UNC5A: variants seen among roughly 807,000 people sequenced by gnomAD.
UNC5A encodes the protein unc-5 netrin receptor A.
UNC5A carries 20 observed loss-of-function variants against 87.4 expected under a neutral mutation model. That is an observed-to-expected ratio of 0.23 (90% confidence interval 0.16 to 0.33). UNC5A has a LOEUF of 0.33. Ranked by LOEUF, UNC5A falls within the 10% of genes least tolerant of loss-of-function variation. UNC5A has a pLI of 1.00. For synonymous variants in UNC5A, 438 were observed against 482.3 expected (o/e 0.91, Z 1.20); for missense variants, 844 against 1,133.4 (o/e 0.74, Z 3.67).
rs1758044282 is a variant in UNC5A, at chr5:176,869,003, G to A, written c.721+39G>A. The stretch of plus-strand genomic sequence containing the variant: ...CTCCCTGGTCACAGGGAGAGGCACT[G>A]CGGTGCCCCTGGGCAGTGACATGTG... On this transcript the variant is annotated intron_variant, in intron 5 of 14. Transcript: ENST00000329542. The surrounding 1 kb of genome is among the most constrained non-coding windows in gnomAD (Gnocchi z 9.1). 4 of 1,560,810 alleles carry A rather than the reference G, an allele frequency of 2.6e-6. No homozygotes were observed. The highest frequency in any genetic ancestry group is 3.5e-6 in the Non-Finnish European group (4 of 1,152,516).
In UNC5A at chr5:176,824,563, A is replaced by T. The variant is rs1010577691; in HGVS notation, c.70+13743A>T. On this transcript the variant is annotated intron_variant, in intron 1 of 14. Coordinates refer to ENST00000329542, the MANE Select transcript of UNC5A (RefSeq NM_133369.3). The surrounding 1 kb of genome is among the most constrained non-coding windows in gnomAD (Gnocchi z 4.2). ...GCGGCAGATAGAACATTCTAAAAAA[A>T]AAAGAGAGAAAGAGAGAGAATTCAC... is the stretch of plus-strand genomic sequence containing the variant. Among the ~76,000 whole-genome samples the T allele has an allele frequency of 3.9e-5, 6 of 152,254 alleles. No homozygotes were observed. In the South Asian group the frequency reaches 8.3e-4, roughly 21 times the overall value.
At chr5:176,870,854 CCCA>C (rs768032901) in intron 6 of UNC5A, among the ~76,000 whole-genome samples, 16 of 148,640 alleles carry the variant, frequency 1.1e-4, no homozygotes, top group Non-Finnish European at 1.9e-4. Context: ...CCACGCTCAC[CCCA>C]CACCACAGCT....
intron 1 of UNC5A, among the ~76,000 whole-genome samples, chr5:176,840,495 AG>A (rs1757248603): frequency 6.6e-6 from 1 of 152,202 alleles, no homozygotes; most frequent in Non-Finnish European, 1.5e-5. Context: ...GGGCTCTGCA[AG>A]GGGGTGACCA....
At chr5:176,856,628 G>A (rs1335863056) in intron 1 of UNC5A, among the ~76,000 whole-genome samples, 1 of 152,140 alleles carries the variant, frequency 6.6e-6, no homozygotes, top group Non-Finnish European at 1.5e-5. Flanking sequence ...GTGACAAAAA[G>A]TGTGGATCCA....
Position 176,865,619 on chromosome 5 carries a change from G to A in UNC5A, c.293-2511G>A, listed in dbSNP as rs1167401803. ...ACCCAAAGCCATCGAGTGCTTTGAGGTGAAGAAAAAGGCTTTCCTTACCCA... is the reference window on the plus strand; with the variant it reads ...ACCCAAAGCCATCGAGTGCTTTGAGATGAAGAAAAAGGCTTTCCTTACCCA... On this transcript the variant is annotated intron_variant, in intron 2 of 14. Transcript: ENST00000329542. The surrounding 1 kb of genome is among the most constrained non-coding windows in gnomAD (Gnocchi z 5.3). 1 of 456,730 alleles carries A rather than the reference G, an allele frequency of 2.2e-6. No individual in the cohort carries two copies. The highest frequency in any genetic ancestry group is 2.0e-5 in the African/African-American group (1 of 50,090). The allele number at this position is 456,730 out of a possible 1,614,324, so 28.3% of individuals were successfully genotyped here.
chr5:176,878,675 C>T, intron 13 of UNC5A, 36 bp downstream of exon 13: 22 of 1,587,484 alleles, frequency 1.4e-5, no homozygotes, highest in Non-Finnish European at 1.8e-5. Context: ...CCGTGACGTG[C>T]TCCCACTACC....
At position 176,862,861 on chromosome 5, in the gene UNC5A, C is replaced by A. The variant is rs139255325; in HGVS notation, c.292+16C>A. 2 of 1,611,578 alleles carry A rather than the reference C, an allele frequency of 1.2e-6. No individual in the cohort carries two copies. The highest frequency in any genetic ancestry group is 1.7e-6 in the Non-Finnish European group (2 of 1,179,562). ...GGGAGCAGTGGTGAGCCGCATGGGG[C>A]GCCAGGCAGGGCCAATCCGGGGGAG... On this transcript the variant is annotated intron_variant, in intron 2 of 14. Coordinates refer to ENST00000329542, the MANE Select transcript of UNC5A (RefSeq NM_133369.3).
At chr5:176,877,462 C>T (rs1417671287) in intron 9 of UNC5A, 73 bp from the exon 10 acceptor site, 6 of 1,507,172 alleles carry the variant, frequency 4.0e-6, no homozygotes, top group Non-Finnish European at 5.4e-6. Flanking sequence ...CTGCCCTGCC[C>T]TTGGCCTAGC....
chr5:176,879,589 C>T (rs369142111), intron 14 of UNC5A, 101 bp downstream of exon 14: 5 of 1,543,270 alleles, frequency 3.2e-6, no homozygotes, highest in Admixed American at 3.8e-5. Flanking sequence ...GGGCCTGTGC[C>T]GCATCTACTA....
intron 1 of UNC5A, among the ~76,000 whole-genome samples, chr5:176,861,442 G>A (rs1458342825): frequency 2.0e-5 from 3 of 152,324 alleles, no homozygotes; most frequent in Non-Finnish European, 2.9e-5. Flanking sequence ...ACCTCCTGCC[G>A]TGAAACCAGG....
chr5:176,810,701 C>T lies in UNC5A; in HGVS notation c.-50C>T. On this transcript the variant is annotated 5_prime_UTR_variant, in exon 1 of 15. Transcript: ENST00000329542. This position sits in a 1 kb window ranked among gnomAD's most constrained non-coding sequence, Gnocchi z 7.3. ...CGGGCTGAGGCGCTAAAGCCGCCCT[C>T]CCGCCCGCGGGGCCCCGCGCCCGGC... The T allele has an allele frequency of 1.2e-6, 1 of 801,884 alleles. No homozygotes were observed. 49.7% of individuals were successfully genotyped at this position (801,884 alleles called of 1,614,324 possible). A position where few individuals can be genotyped will look rare whatever the true frequency, so the allele number is the denominator to read the frequency against.
intron 1 of UNC5A, among the ~76,000 whole-genome samples, chr5:176,830,871 GGTGT>G (rs1757003389): frequency 7.6e-6 from 1 of 131,508 alleles, no homozygotes; most frequent in Non-Finnish European, 1.6e-5. Context: ...TGTGTGCGCT[GGTGT>G]GTGTGTGGGT....
At chr5:176,855,418 A>C (rs1581263920) in intron 1 of UNC5A, among the ~76,000 whole-genome samples, 1 of 152,112 alleles carries the variant, frequency 6.6e-6, no homozygotes. Flanking sequence ...TGGGGATGGG[A>C]GAGGGGGAGC....
At position 176,877,361 on chromosome 5, in the gene UNC5A, C is replaced by T; in HGVS notation, c.1466+82C>T. Reference sequence around the variant, plus strand: ...CCCCAGGAAGCCCCCTGCCCACCCACTGTTGTGCCTGGCCCGAGGCGGCGG... The same window carrying T: ...CCCCAGGAAGCCCCCTGCCCACCCATTGTTGTGCCTGGCCCGAGGCGGCGG... On this transcript the variant is annotated intron_variant, in intron 9 of 14. Coordinates refer to ENST00000329542, the MANE Select transcript of UNC5A (RefSeq NM_133369.3). 2.1e-6 allele frequency: 3 copies of T among 1,407,156 alleles called. 1 individual carries two copies. Among genetic ancestry groups the T allele is most frequent in the Non-Finnish European group, 2.9e-6 (3 of 1,025,268 alleles). 87.2% of individuals were successfully genotyped at this position (1,407,156 alleles called of 1,614,324 possible).
intron 1 of UNC5A, among the ~76,000 whole-genome samples, chr5:176,815,493 C>T (rs906952367): frequency 6.6e-6 from 1 of 152,234 alleles, no homozygotes; most frequent in African/African-American, 2.4e-5. Context: ...AACTTGCAGT[C>T]CCCAGCCTGT....
rs371136842 is a variant in UNC5A, at chr5:176,877,287, C to G, written c.1466+8C>G. The stretch of plus-strand genomic sequence containing the variant: ...CAAGCCGGAAGACGTGAGGTGTGGC[C>G]GCGGGCCCTGTTGCCGGGGGTGGGA... On this transcript the variant is annotated splice_region_variant and intron_variant, in intron 9 of 14. Transcript: ENST00000329542. The G allele has an allele frequency of 1.1e-5, 18 of 1,609,976 alleles. No homozygotes were observed. Among genetic ancestry groups the G allele is most frequent in the Non-Finnish European group, 1.5e-5 (18 of 1,178,032 alleles).
rs1757952678 is a variant in UNC5A at position 176,865,498 on chromosome 5, C to T, written c.293-2632C>T. The T allele has an allele frequency of 3.0e-5, 13 of 435,446 alleles. No individual in the cohort carries two copies. The highest frequency in any genetic ancestry group is 1.5e-4 in the South Asian group (9 of 61,812). The allele number at this position is 435,446 out of a possible 1,614,324, so 27.0% of individuals were successfully genotyped here. The stretch of plus-strand genomic sequence containing the variant: ...GAAGCAGAGCTTGGGACACGTCCCA[C>T]CCGTAACCGCCAGGGTCCTCTTCTG... On this transcript the variant is annotated intron_variant, in intron 2 of 14. Coordinates refer to ENST00000329542, the MANE Select transcript of UNC5A (RefSeq NM_133369.3). This position sits in a 1 kb window ranked among gnomAD's most constrained non-coding sequence, Gnocchi z 5.3.
chr5:176,832,744 A>G (rs1757059552), intron 1 of UNC5A, among the ~76,000 whole-genome samples: 1 of 152,226 alleles, frequency 6.6e-6, no homozygotes. Context: ...TCAGGAAAGC[A>G]GTGGACTCAG....
intron 1 of UNC5A, among the ~76,000 whole-genome samples, chr5:176,853,898 A>G (rs76615182): frequency 0.03 from 4,592 of 152,244 alleles, 220 homozygotes; most frequent in African/African-American, 0.1. Context: ...AAGAGAAGCA[A>G]GTCCTGGGGT....
Sources: allele counts gnomAD v4.1 joint callset (sites outside exome capture counted in the v4.1 genomes callset), GRCh38; gene constraint gnomAD v4.1.1; non-coding constraint Gnocchi (gnomAD v3.1); transcripts MANE v1.5; gene names NCBI Gene and HGNC (gene_info 2026-07-23, HGNC 2026-07-21).